AGGF1: variants seen among roughly 807,000 people sequenced by gnomAD.
AGGF1 encodes the protein angiogenic factor with G-patch and FHA domains 1.
A neutral mutation model predicts 86.5 loss-of-function variants in AGGF1; 56 were observed. That is an observed-to-expected ratio of 0.65 (90% CI 0.52 to 0.81). AGGF1 has a LOEUF of 0.81. AGGF1 is among the 30% of genes least tolerant of loss of function. AGGF1 has a pLI of 0.00. For missense variants in AGGF1, 816 were observed against 850.9 expected, an observed-to-expected ratio of 0.96 and a Z score of 0.51; for synonymous variants, 313 against 297.1, an observed-to-expected ratio of 1.05 and a Z score of -0.55.
chr5:77,038,575 C>G lies in AGGF1; in HGVS notation c.682-956C>G, dbSNP rs74533154. Among the ~76,000 whole-genome samples the G allele has an allele frequency of 5.5e-3, 841 of 152,226 alleles. 6 individuals are homozygous for G. The highest frequency in any genetic ancestry group is 0.015 in the Admixed American group (235 of 15,298). Reference sequence around the variant, plus strand: ...AAATAAAGATTGGAAAGCCTCCACTCAGTTTCTTAGTTAAGAGAAAGATGG... The same window carrying G: ...AAATAAAGATTGGAAAGCCTCCACTGAGTTTCTTAGTTAAGAGAAAGATGG... On this transcript the variant is annotated intron_variant, in intron 4 of 13. Coordinates refer to ENST00000312916, the MANE Select transcript of AGGF1 (RefSeq NM_018046.5).
At chr5:77,037,381 T>C (rs1185066673) in intron 4 of AGGF1, among the ~76,000 whole-genome samples, 2 of 152,360 alleles carry the variant, frequency 1.3e-5, no homozygotes, top group East Asian at 3.9e-4. Flanking sequence ...CTTTATGAAT[T>C]CATTTTAGGC....
intron 11 of AGGF1, 38 bp downstream of exon 11, chr5:77,055,634 A>G (rs775438904): frequency 1.3e-5 from 18 of 1,434,974 alleles, no homozygotes; most frequent in African/African-American, 9.9e-5. Flanking sequence ...GTTAAGCTGT[A>G]TATCTGGTTT....
At chr5:77,036,183 A>G (rs1746964338) in intron 3 of AGGF1, 2 of 268,090 alleles carry the variant, frequency 7.5e-6, no homozygotes, top group South Asian at 9.0e-5. Context: ...TTTAATCTAC[A>G]GTTTTCTCCT....
chr5:77,065,127 T>C lies in AGGF1; in HGVS notation c.*1875T>C, dbSNP rs576747560. The C allele has an allele frequency of 2.0e-4, 30 of 152,202 alleles. No homozygotes were observed. The highest frequency in any genetic ancestry group is 2.0e-3 in the Admixed American group (30 of 15,276). 9.4% of individuals were successfully genotyped at this position (152,202 alleles called of 1,614,324 possible). On this transcript the variant is annotated 3_prime_UTR_variant, in exon 14 of 14. Transcript: ENST00000312916. ...TGAGAAAATGTATATAAAAGCACTT[T>C]GTAAATTGTAAAAGTAGTACAGATG...
At chr5:77,044,951 G>C (rs1747216490) in intron 5 of AGGF1, among the ~76,000 whole-genome samples, 1 of 152,052 alleles carries the variant, frequency 6.6e-6, no homozygotes, top group Admixed American at 6.5e-5. Flanking sequence ...TGTAGTCCCA[G>C]CTACTCGGGA....
chr5:77,048,349 G>A lies in AGGF1; in HGVS notation c.1313+77G>A, dbSNP rs554476293. ...TTATTAAGAGCATGTATTTTTGTTT[G>A]TTTGTTTGTTTTTTGTTTTTGAGAC... is the stretch of plus-strand genomic sequence containing the variant. On this transcript the variant is annotated intron_variant, in intron 7 of 13. Coordinates refer to ENST00000312916, the MANE Select transcript of AGGF1 (RefSeq NM_018046.5). 25 of 1,262,588 alleles carry A rather than the reference G, an allele frequency of 2.0e-5. No individual in the cohort carries two copies. The East Asian group carries it at 5.4e-4, about 27-fold the overall frequency. 78.2% of individuals were successfully genotyped at this position (1,262,588 alleles called of 1,614,324 possible).
chr5:77,040,679 C>T (rs1747060419), intron 5 of AGGF1, among the ~76,000 whole-genome samples: 1 of 152,170 alleles, frequency 6.6e-6, no homozygotes, highest in African/African-American at 2.4e-5. Context: ...ACTCTCTAAA[C>T]AGGTAAGTTT....
chr5:77,048,331 G>A (rs1279976004), intron 7 of AGGF1, 59 bp downstream of exon 7: 36 of 1,339,518 alleles, frequency 2.7e-5, no homozygotes, highest in Non-Finnish European at 3.8e-5. Flanking sequence ...GCTTTATTAA[G>A]AGCATGTATT....
At chr5:77,039,929 A>G (rs538554264) in intron 5 of AGGF1, among the ~76,000 whole-genome samples, 1 of 152,238 alleles carries the variant, frequency 6.6e-6, no homozygotes, top group African/African-American at 2.4e-5. Flanking sequence ...TTTGAAGGAG[A>G]TAGATTAAGG....
chr5:77,031,066 G>T (rs904344857), intron 1 of AGGF1, 90 bp downstream of exon 1: 39 of 1,354,968 alleles, frequency 2.9e-5, no homozygotes, highest in Admixed American at 5.1e-5. Context: ...CCTGGCAGGG[G>T]CTCAGAACTA....
At chr5:77,043,528 C>CA (rs1561286529) in intron 5 of AGGF1, among the ~76,000 whole-genome samples, 1 of 73,844 alleles carries the variant, frequency 1.4e-5, no homozygotes, top group Non-Finnish European at 3.0e-5. Context: ...GCTGGCCGGG[C>CA]GGGGGGCTGA....
At chr5:77,032,799 C>G (rs1746895508) in intron 1 of AGGF1, among the ~76,000 whole-genome samples, 1 of 152,058 alleles carries the variant, frequency 6.6e-6, no homozygotes. Flanking sequence ...TCCTTTATTT[C>G]TTACAGAAAA....
chr5:77,049,083 A>G lies in AGGF1; in HGVS notation c.1365+96A>G, dbSNP rs1747325072. ...TTAGGGATTTTTCTCATTTAATAGG[A>G]AGGTTAACATGCAGTGTAGTAATGG... is the stretch of plus-strand genomic sequence containing the variant. On this transcript the variant is annotated intron_variant, in intron 8 of 13. Transcript: ENST00000312916. 6 of 1,196,650 alleles carry G rather than the reference A, an allele frequency of 5.0e-6. No homozygotes were observed. The Admixed American group carries it at 8.9e-5, about 18-fold the overall frequency. 74.1% of individuals were successfully genotyped at this position (1,196,650 alleles called of 1,614,324 possible).
In AGGF1 at chr5:77,041,792, T is replaced by A. The variant is rs533781203; in HGVS notation, c.870+2073T>A. ...TTCCAAGACAAGAACTTTTTTTATT[T>A]ATTTATTTATTTATTTATTTATTTT... On this transcript the variant is annotated intron_variant, in intron 5 of 13. Transcript: ENST00000312916. 7.8e-5 allele frequency among the ~76,000 whole-genome samples: 10 copies of A among 127,892 alleles called. 1 individual carries two copies. Among genetic ancestry groups the A allele is most frequent in the East Asian group, 2.3e-4 (1 of 4,402 alleles). 83.9% of individuals were successfully genotyped at this position (127,892 alleles called of 152,430 possible). A position where few individuals can be genotyped will look rare whatever the true frequency, so the allele number is the denominator to read the frequency against.
At chr5:77,049,552 T>G (rs1240881829) in intron 8 of AGGF1, among the ~76,000 whole-genome samples, 2 of 149,534 alleles carry the variant, frequency 1.3e-5, no homozygotes, top group African/African-American at 2.4e-5. Context: ...TTTTTACTTT[T>G]TTTTTTTTTT....
Position 77,063,077 on chromosome 5 carries a change from A to T in AGGF1, c.1970A>T (p.His657Leu). The T allele has an allele frequency of 6.2e-7, 1 of 1,614,096 alleles. No individual in the cohort carries two copies. The highest frequency in any genetic ancestry group is 8.5e-7 in the Non-Finnish European group (1 of 1,179,986). ...ATCCAGCTTCAGCTTCGGCGAACAC[A>T]TGCAGGCTTGGGGACAGGCAAACCA... The part of the protein sequence containing the change: ...TPIQLQLRRT[H>L]AGLGTGKPSS... Residue 657 changes from histidine to leucine, a missense_variant, in exon 14 of 14, where the codon CAT becomes CTT. Physicochemically the swap from His to Leu is moderately conservative, Grantham distance 99. Around this residue, in one of 3 missense-constraint regions of AGGF1, gnomAD observed 565 missense variants for 585.8 expected, o/e 0.96. Transcript: ENST00000312916.
At position 77,030,424 on chromosome 5, in the gene AGGF1, T is replaced by C. The variant is rs937327671; in HGVS notation, c.-343T>C. The C allele has an allele frequency of 5.8e-6, 3 of 512,992 alleles. No homozygotes were observed. Among genetic ancestry groups the C allele is most frequent in the Non-Finnish European group, 1.1e-5 (3 of 264,906 alleles). The allele number at this position is 512,992 out of a possible 1,614,324, so 31.8% of individuals were successfully genotyped here. A position where few individuals can be genotyped will look rare whatever the true frequency, so the allele number is the denominator to read the frequency against. On this transcript the variant is annotated 5_prime_UTR_variant, in exon 1 of 14. Coordinates refer to ENST00000312916, the MANE Select transcript of AGGF1 (RefSeq NM_018046.5). ...CTGGCGCCGTTGTTTCCGGCTCAAC[T>C]GGGGAGCTGCTGGAGCTCTTCTGGC...
At position 77,030,835 on chromosome 5, in the gene AGGF1, C is replaced by G. The variant is rs202144275; in HGVS notation, c.69C>G (p.Ala23=). ...CCACCTCCCCCGAGCCTGAGCTGGC[C>G]CAGCTAAGGCGGAAGGTGGAGAAGT... is the stretch of plus-strand genomic sequence containing the variant. ...PPPTSPEPEL[A]QLRRKVEKLE... is the part of the protein sequence containing the mutation. The change falls in exon 1 of 14, where the codon GCC becomes GCG. Residue 23 remains alanine, a synonymous_variant. Transcript: ENST00000312916. The G allele has an allele frequency of 1.2e-6, 2 of 1,611,526 alleles. No homozygotes were observed. Among genetic ancestry groups the G allele is most frequent in the South Asian group, 1.1e-5 (1 of 91,060 alleles).
At chr5:77,039,753 TG>T in intron 5 of AGGF1, 34 bp downstream of exon 5, 1 of 1,581,840 alleles carries the variant, frequency 6.3e-7, no homozygotes, top group Non-Finnish European at 8.6e-7. Flanking sequence ...ATTGACATAA[TG>T]GTGATAACAT....
Sources: allele counts gnomAD v4.1 joint callset (sites outside exome capture counted in the v4.1 genomes callset), GRCh38; gene constraint gnomAD v4.1.1; regional missense constraint gnomAD v4.1.1; transcripts MANE v1.5; gene names NCBI Gene and HGNC (gene_info 2026-07-23, HGNC 2026-07-21).